The following TXNDC16 variants were observed in gnomAD, a reference collection of about 807,000 sequenced individuals.
TXNDC16 encodes thioredoxin domain containing 16.
A neutral mutation model predicts 85.6 loss-of-function variants in TXNDC16; 74 were observed. The observed-to-expected ratio is 0.86, with a 90% CI of 0.72 to 1.05. The LOEUF (loss-of-function observed/expected upper bound fraction) is 1.05. Among genes scored for constraint, TXNDC16 ranks in the 50% least tolerant of loss-of-function variants. TXNDC16 has a pLI of 0.00. For missense variants in TXNDC16, 959 were observed against 947.0 expected, an observed-to-expected ratio of 1.01 and a Z score of -0.17; for synonymous variants, 335 against 326.5, an observed-to-expected ratio of 1.03 and a Z score of -0.28.
intron 14 of TXNDC16, among the ~76,000 whole-genome samples, chr14:52,476,219 C>G (rs1387608826): frequency 6.6e-6 from 1 of 152,116 alleles, no homozygotes; most frequent in Admixed American, 6.5e-5. Flanking sequence ...AGAGCCTACC[C>G]ACATGAGAAG....
At chr14:52,490,569 A>G in intron 10 of TXNDC16, 118 bp from the exon 11 acceptor site, 1 of 873,854 alleles carries the variant, frequency 1.1e-6, no homozygotes, top group Non-Finnish European at 1.7e-6. Flanking sequence ...AAAATATTAC[A>G]ATTTAGTGAC....
At position 52,440,830 on chromosome 14, in the gene TXNDC16, A is replaced by T. The variant is rs548255896; in HGVS notation, c.1843-106T>A. ...AGTCAATTTTAGTTTGTAAAATGTA[A>T]TTCAAACACATTTTCACTTAAGTAG... On this transcript the variant is annotated intron_variant, in intron 18 of 20. Coordinates refer to ENST00000281741, the MANE Select transcript of TXNDC16 (RefSeq NM_020784.3). 201 of 1,008,478 alleles carry T rather than the reference A, an allele frequency of 2.0e-4. 1 individual carries two copies. The African/African-American group carries it at 3.1e-3, about 16-fold the overall frequency. The allele number at this position is 1,008,478 out of a possible 1,614,324, so 62.5% of individuals were successfully genotyped here. A position where few individuals can be genotyped will look rare whatever the true frequency, so the allele number is the denominator to read the frequency against.
At chr14:52,545,414 C>G (rs574872421) in intron 1 of TXNDC16, among the ~76,000 whole-genome samples, 2 of 152,140 alleles carry the variant, frequency 1.3e-5, no homozygotes, top group Non-Finnish European at 2.9e-5. Context: ...GTAATAATCT[C>G]TGTAGTTTGT....
At chr14:52,535,054 C>T (rs915887679) in intron 6 of TXNDC16, among the ~76,000 whole-genome samples, 1 of 152,136 alleles carries the variant, frequency 6.6e-6, no homozygotes, top group Admixed American at 6.5e-5. Context: ...TGTGGATATG[C>T]CACTCCAGGA....
chr14:52,504,520 T>C (rs1459529246), intron 9 of TXNDC16, among the ~76,000 whole-genome samples: 2 of 152,164 alleles, frequency 1.3e-5, no homozygotes, highest in African/African-American at 4.8e-5. Flanking sequence ...AAGCAAATGC[T>C]GAGAGATTTT....
intron 15 of TXNDC16, 110 bp downstream of exon 15, chr14:52,470,402 C>A: frequency 8.0e-7 from 1 of 1,253,436 alleles, no homozygotes; most frequent in Non-Finnish European, 1.1e-6. Context: ...ATTTTGTGAT[C>A]TCAATTCTAG....
At chr14:52,496,610 A>AT (rs57762673) in intron 9 of TXNDC16, among the ~76,000 whole-genome samples, 19,195 of 140,010 alleles carry the variant, frequency 0.14, 1,673 homozygotes, top group East Asian at 0.37. Flanking sequence ...TGATTTTATG[A>AT]TTTTTTTTTT....
chr14:52,462,534 G>A (rs1159222927), intron 16 of TXNDC16, among the ~76,000 whole-genome samples: 1 of 152,178 alleles, frequency 6.6e-6, no homozygotes, highest in Non-Finnish European at 1.5e-5. Flanking sequence ...AGCCTGGCTG[G>A]TGTTAAAAAC....
At chr14:52,532,594 G>T (rs753707959) in intron 6 of TXNDC16, among the ~76,000 whole-genome samples, 1 of 151,864 alleles carries the variant, frequency 6.6e-6, no homozygotes, top group Non-Finnish European at 1.5e-5. Flanking sequence ...CCGCCACCAC[G>T]CCCGGCTAAT....
intron 16 of TXNDC16, among the ~76,000 whole-genome samples, chr14:52,465,695 A>G (rs2035758172): frequency 6.6e-6 from 1 of 152,174 alleles, no homozygotes; most frequent in African/African-American, 2.4e-5. Context: ...GGTCAGAAAA[A>G]ACACCCTATG....
At chr14:52,479,570 C>CA (rs201538999) in intron 14 of TXNDC16, among the ~76,000 whole-genome samples, 15,656 of 139,666 alleles carry the variant, frequency 0.11, 816 homozygotes, top group East Asian at 0.15. Flanking sequence ...ACAATAGCTG[C>CA]AAAAAAAAAA....
chr14:52,529,692 TTATATATAA>T (rs1277302949), intron 6 of TXNDC16, among the ~76,000 whole-genome samples: 1 of 113,178 alleles, frequency 8.8e-6, no homozygotes, highest in African/African-American at 3.7e-5. Context: ...ATAATGCCTA[TTATATATAA>T]TATATATAAT....
intron 6 of TXNDC16, among the ~76,000 whole-genome samples, chr14:52,532,190 C>T (rs1260518993): frequency 6.6e-6 from 1 of 151,938 alleles, no homozygotes; most frequent in South Asian, 2.1e-4. Context: ...ATAAGGAGAG[C>T]TCCTAGAAAT....
Position 52,512,885 on chromosome 14 carries a change from A to C in TXNDC16, c.606-1495T>G, listed in dbSNP as rs555643435. Reference sequence around the variant, plus strand: ...AGTGGGCAAAACATTCCTGTGAGCAAAACAGCTACCATGTTGTATAATCCA... The same window carrying C: ...AGTGGGCAAAACATTCCTGTGAGCACAACAGCTACCATGTTGTATAATCCA... On this transcript the variant is annotated intron_variant, in intron 8 of 20. Coordinates refer to ENST00000281741, the MANE Select transcript of TXNDC16 (RefSeq NM_020784.3). Among the ~76,000 whole-genome samples the C allele has an allele frequency of 2.0e-5, 3 of 152,246 alleles. 1 individual carries two copies. In the South Asian group the frequency reaches 6.2e-4, roughly 32 times the overall value.
At position 52,547,866 on chromosome 14, in the gene TXNDC16, C is replaced by A. The variant is rs535633938; in HGVS notation, c.-181-3495G>T. The stretch of plus-strand genomic sequence containing the variant: ...AAAAGCCAAGGAAGAACTACATATA[C>A]AAAGGAAAGCATTTGTTGACGAGAG... On this transcript the variant is annotated intron_variant, in intron 1 of 20. Transcript: ENST00000281741. Among the ~76,000 whole-genome samples the A allele has an allele frequency of 7.9e-5, 12 of 152,338 alleles. No homozygotes were observed. In the East Asian group the frequency reaches 2.1e-3, roughly 27 times the overall value.
intron 18 of TXNDC16, among the ~76,000 whole-genome samples, chr14:52,452,457 GT>G (rs1329396483): frequency 6.6e-6 from 1 of 152,076 alleles, no homozygotes; most frequent in Non-Finnish European, 1.5e-5. Flanking sequence ...AGTAACCAAA[GT>G]GACATGGTAC....
chr14:52,457,226 C>T, intron 16 of TXNDC16, 52 bp from the exon 17 acceptor site: 5 of 1,006,236 alleles, frequency 5.0e-6, no homozygotes, highest in Non-Finnish European at 5.9e-6. Context: ...ATTATGTATG[C>T]TATTCAACTG....
chr14:52,530,322 ATTTT>A (rs1362781036), intron 6 of TXNDC16, among the ~76,000 whole-genome samples: 1,682 of 45,170 alleles, frequency 0.037, 56 homozygotes, highest in South Asian at 0.095. Flanking sequence ...ATATATAATT[ATTTT>A]TATATTATAT....
intron 6 of TXNDC16, among the ~76,000 whole-genome samples, chr14:52,526,067 C>T (rs898571949): frequency 5.3e-5 from 8 of 152,050 alleles, no homozygotes; most frequent in South Asian, 2.1e-4. Flanking sequence ...TCCACAGATG[C>T]AGAACCTGTG....
Sources: gnomAD v4.1 joint callset for allele counts (sites outside exome capture counted in the v4.1 genomes callset) on GRCh38, gnomAD v4.1.1 for gene constraint, MANE v1.5 for transcripts, NCBI Gene and HGNC (gene_info 2026-07-23, HGNC 2026-07-21) for gene names.